Variants in FN1 observed in about 807,000 individuals in gnomAD.
FN1 encodes the protein fibronectin.
A neutral mutation model predicts 297.3 loss-of-function variants in FN1; 106 were observed. The observed-to-expected ratio is 0.36, with a 90% CI of 0.30 to 0.42. The LOEUF (loss-of-function observed/expected upper bound fraction) is 0.42, where lower values mean the gene tolerates loss of function less well. FN1 is among the 10% of genes least tolerant of loss of function. The pLI is 1.00. For synonymous variants in FN1, 1,149 were observed against 1,152.6 expected, an observed-to-expected ratio of 1.00 and a Z score of 0.06; for missense variants, 2,690 against 3,124.9, an observed-to-expected ratio of 0.86 and a Z score of 3.32.
Position 215,392,956 on chromosome 2 carries a change from G to A in FN1, c.4044C>T (p.Ala1348=). Residue 1348 remains alanine, a synonymous_variant, in exon 25 of 46, where the codon GCC becomes GCT. Transcript: ENST00000354785. ...VITLINGGES[A]PTTLTQQTAV... ...CCGTTTGTTGTGTCAGTGTAGTAGG[G>A]GCACTCTCGCCGCCATTAATGAGAG... is the stretch of plus-strand genomic sequence containing the variant. 1 of 1,612,768 alleles carries A rather than the reference G, an allele frequency of 6.2e-7. No homozygotes were observed. The highest frequency in any genetic ancestry group is 8.5e-7 in the Non-Finnish European group (1 of 1,179,992).
At position 215,428,179 on chromosome 2, in the gene FN1, C is replaced by T; in HGVS notation, c.844+1G>A. The T allele has an allele frequency of 6.2e-7, 1 of 1,614,014 alleles. No homozygotes were observed. The highest frequency in any genetic ancestry group is 2.2e-5 in the East Asian group (1 of 44,888). On this transcript the variant is annotated splice_donor_variant, in intron 6 of 45. Coordinates refer to ENST00000354785, the MANE Select transcript of FN1 (RefSeq NM_212482.4). LOFTEE classifies it high-confidence loss of function. ...CCGCCCCTGCTCGTCCTGTGCCTCA[C>T]CGCTCGATGTGGTCTGCACAGAGGT...
chr2:215,401,757 AT>A (rs922328003), intron 20 of FN1, among the ~76,000 whole-genome samples: 8 of 149,856 alleles, frequency 5.3e-5, no homozygotes, highest in Admixed American at 1.3e-4. Context: ...CAATTCTCGC[AT>A]TTTTTTTTCA....
At chr2:215,386,329 G>A (rs1306442487) in intron 28 of FN1, among the ~76,000 whole-genome samples, 1 of 151,778 alleles carries the variant, frequency 6.6e-6, no homozygotes, top group South Asian at 2.1e-4. Flanking sequence ...TGCCCATTTC[G>A]GCCTCCCAAA....
At chr2:215,380,558 T>A in intron 33 of FN1, 1 of 539,038 alleles carries the variant, frequency 1.9e-6, no homozygotes, top group Non-Finnish European at 3.3e-6. Context: ...AACTTTAGTA[T>A]CCTCTTCAAA....
At chr2:215,372,688 C>G (rs932085404) in intron 39 of FN1, among the ~76,000 whole-genome samples, 1 of 151,464 alleles carries the variant, frequency 6.6e-6, no homozygotes, top group Non-Finnish European at 1.5e-5. Flanking sequence ...AATGTGCAGT[C>G]TTTCTCTTTC....
Position 215,362,015 on chromosome 2 carries a change from T to C in FN1, c.7316A>G (p.Gln2439Arg), listed in dbSNP as rs763627375. Residue 2439 changes from glutamine to arginine, a missense_variant, in exon 45 of 46, where the codon CAG becomes CGG. Transcript: ENST00000354785. ...GEPSPEGTTGQSYNQYSQRYH... is the reference protein window; with the variant it reads ...GEPSPEGTTGRSYNQYSQRYH... ...TCTCTGAGAATACTGGTTGTAGGACTGGCCAGTAGTGCCTTCGGGACTGGG... is the reference window on the plus strand; with the variant it reads ...TCTCTGAGAATACTGGTTGTAGGACCGGCCAGTAGTGCCTTCGGGACTGGG... The C allele has an allele frequency of 3.1e-6, 5 of 1,614,140 alleles. No homozygotes were observed. The highest frequency in any genetic ancestry group is 4.2e-6 in the Non-Finnish European group (5 of 1,179,992).
At chr2:215,376,106 C>T (rs1306679182) in intron 36 of FN1, among the ~76,000 whole-genome samples, 1 of 152,158 alleles carries the variant, frequency 6.6e-6, no homozygotes, top group Non-Finnish European at 1.5e-5. Context: ...ATTGAATATT[C>T]TTCGGTTACA....
intron 12 of FN1, among the ~76,000 whole-genome samples, chr2:215,416,029 A>C (rs2063389669): frequency 6.6e-6 from 1 of 152,176 alleles, no homozygotes; most frequent in Non-Finnish European, 1.5e-5. Flanking sequence ...CCAGATTATT[A>C]ACAGATTTAA....
Position 215,425,295 on chromosome 2 carries a change from T to G in FN1, c.845-10A>C. The G allele has an allele frequency of 1.9e-6, 3 of 1,613,678 alleles. 1 individual carries two copies. In the South Asian group the frequency reaches 3.3e-5, roughly 18 times the overall value. On this transcript the variant is annotated splice_polypyrimidine_tract_variant and intron_variant, in intron 6 of 45. Transcript: ENST00000354785. Reference sequence around the variant, plus strand: ...GTGAAGGGGCCAGATCCTAATGGCATGAAAAGGGAATGTCACAAAACTGGG... The same window carrying G: ...GTGAAGGGGCCAGATCCTAATGGCAGGAAAAGGGAATGTCACAAAACTGGG...
At chr2:215,381,726 C>A (rs2058241086) in intron 32 of FN1, 1 of 211,142 alleles carries the variant, frequency 4.7e-6, no homozygotes, top group African/African-American at 2.4e-5. Flanking sequence ...CCTGCCTCAG[C>A]CTCCCAAAAT....
chr2:215,415,213 A>T lies in FN1; in HGVS notation c.1820-255T>A, dbSNP rs10170514. ...TTTATAGCAAATAAAATATATTTTTAAAAAAAAGTCTCTTGGCTTGCTTTT... is the reference window on the plus strand; with the variant it reads ...TTTATAGCAAATAAAATATATTTTTTAAAAAAAGTCTCTTGGCTTGCTTTT... On this transcript the variant is annotated intron_variant, in intron 12 of 45. Coordinates refer to ENST00000354785, the MANE Select transcript of FN1 (RefSeq NM_212482.4). Among the ~76,000 whole-genome samples the T allele has an allele frequency of 0.34, 46,713 of 136,444 alleles. 7,830 individuals carry two copies. Among genetic ancestry groups the T allele is most frequent in the African/African-American group, 0.43 (16,789 of 39,152 alleles). 89.5% of individuals were successfully genotyped at this position (136,444 alleles called of 152,430 possible).
intron 26 of FN1, 97 bp from the exon 27 acceptor site, chr2:215,388,398 G>A: frequency 2.3e-6 from 2 of 873,112 alleles, no homozygotes; most frequent in Non-Finnish European, 3.9e-6. Flanking sequence ...ATATCCAAAT[G>A]TCCAGTCCTA....
intron 44 of FN1, 199 bp downstream of exon 44, chr2:215,364,680 A>G (rs1363008876): frequency 6.5e-6 from 4 of 613,322 alleles, no homozygotes; most frequent in East Asian, 5.5e-5. Flanking sequence ...TACTAAGAGT[A>G]ATAGAAAGAA....
intron 20 of FN1, among the ~76,000 whole-genome samples, chr2:215,400,746 C>T (rs2060895918): frequency 1.7e-5 from 1 of 58,976 alleles, no homozygotes; most frequent in Non-Finnish European, 3.0e-5. Flanking sequence ...AGCAAGGCTC[C>T]ATCTCAAAAA....
chr2:215,425,320 G>A, intron 6 of FN1, 35 bp from the exon 7 acceptor site: 1 of 1,598,992 alleles, frequency 6.3e-7, no homozygotes, highest in South Asian at 1.1e-5. Context: ...ACAAAACTGG[G>A]TGAGAGAAGA....
chr2:215,429,013 AAAAACAAAAC>A (rs202170833), intron 5 of FN1, among the ~76,000 whole-genome samples: 2,052 of 152,186 alleles, frequency 0.013, 25 homozygotes, highest in Non-Finnish European at 0.019. Context: ...AGACTGTCTC[AAAAACAAAAC>A]AAAACAAAAC....
intron 42 of FN1, chr2:215,367,625 A>G (rs2054894716): frequency 1.9e-6 from 1 of 539,744 alleles, no homozygotes; most frequent in Non-Finnish European, 3.3e-6. Context: ...CCATAATCTT[A>G]TGTGTAATTA....
chr2:215,384,175 C>A lies in FN1; in HGVS notation c.4739G>T (p.Ser1580Ile), dbSNP rs777199676. The A allele has an allele frequency of 6.2e-7, 1 of 1,614,106 alleles. No homozygotes were observed. The highest frequency in any genetic ancestry group is 8.5e-7 in the Non-Finnish European group (1 of 1,180,004). ...RITYGETGGNSPVQEFTVPGS... is the reference protein window; with the variant it reads ...RITYGETGGNIPVQEFTVPGS... ...AGGCACAGTGAACTCCTGGACAGGG[C>A]TATTTCCTCCTGTATGAAAAAGGGT... Residue 1580 changes from serine to isoleucine, a missense_variant, in exon 30 of 46, where the codon AGC (serine) becomes ATC (isoleucine). Ser to Ile is a moderately radical substitution (Grantham distance 142). Transcript: ENST00000354785.
Position 215,435,960 on chromosome 2 carries a change from G to C in FN1, c.-158C>G. On this transcript the variant is annotated 5_prime_UTR_variant, in exon 1 of 46. Coordinates refer to ENST00000354785, the MANE Select transcript of FN1 (RefSeq NM_212482.4). ...GAGGGTGGGGAAGGGGACGGGTGGA[G>C]GGACAGAAGGGATGCAGAGGACCAG... is the stretch of plus-strand genomic sequence containing the variant. The C allele has an allele frequency of 7.1e-7, 1 of 1,408,380 alleles. No homozygotes were observed. The highest frequency in any genetic ancestry group is 9.3e-7 in the Non-Finnish European group (1 of 1,074,290). 87.2% of individuals were successfully genotyped at this position (1,408,380 alleles called of 1,614,324 possible). A position where few individuals can be genotyped will look rare whatever the true frequency, so the allele number is the denominator to read the frequency against.
Sources: gnomAD v4.1 joint callset for allele counts (sites outside exome capture counted in the v4.1 genomes callset) on GRCh38, gnomAD v4.1.1 for gene constraint, MANE v1.5 for transcripts, NCBI Gene and HGNC (gene_info 2026-07-23, HGNC 2026-07-21) for gene names.